The following COX15 variants were observed in gnomAD, a reference collection of about 807,000 sequenced individuals.
COX15 encodes heme A synthase COX15.
In COX15, 51 loss-of-function variants were observed where a neutral mutation model predicts 51.9. The observed-to-expected ratio is 0.98, with a 90% CI of 0.78 to 1.24. COX15 has a LOEUF of 1.24. Among genes scored for constraint, COX15 ranks in the 50% most tolerant of loss-of-function variants. The pLI, the probability that COX15 is intolerant of heterozygous loss-of-function variation, is 0.00. For synonymous variants in COX15, 188 were observed against 190.5 expected, an observed-to-expected ratio of 0.99 and a Z score of 0.11; for missense variants, 420 against 501.1, an observed-to-expected ratio of 0.84 and a Z score of 1.55.
At chr10:99,724,509 G>A (rs1427938330) in intron 4 of COX15, among the ~76,000 whole-genome samples, 1 of 152,060 alleles carries the variant, frequency 6.6e-6, no homozygotes, top group African/African-American at 2.4e-5. Flanking sequence ...GAGGAAATGA[G>A]CTATCAGGAG....
chr10:99,696,258 G>C, the COX15 span: 13 of 1,057,346 alleles, frequency 1.2e-5, no homozygotes, highest in Non-Finnish European at 1.7e-5. Context: ...CAATGGGGTA[G>C]CATCTCTTAA....
chr10:99,699,262 G>A, the COX15 span, among the ~76,000 whole-genome samples: 1 of 152,202 alleles, frequency 6.6e-6, no homozygotes, highest in Non-Finnish European at 1.5e-5. Context: ...ACCCAGAGGG[G>A]CAAGCCCATC....
the COX15 span, among the ~76,000 whole-genome samples, chr10:99,701,250 CCAAA>C: frequency 2.6e-5 from 4 of 151,692 alleles, no homozygotes; most frequent in Non-Finnish European, 4.4e-5. Context: ...TCAGTGGTTA[CCAAA>C]CAGAGTTCTC....
At position 99,731,954 on chromosome 10, in the gene COX15, C is replaced by A; in HGVS notation, c.90+6G>T. On this transcript the variant is annotated splice_donor_region_variant and intron_variant, in intron 1 of 8. Coordinates refer to ENST00000016171, the MANE Select transcript of COX15 (RefSeq NM_078470.6). ...CCGCGACTCGGAGTCCGCTGCAGTG[C>A]GGTACCTGTGCTCTAGGCGCTGCCC... The A allele has an allele frequency of 1.9e-6, 3 of 1,607,224 alleles. No homozygotes were observed. Among genetic ancestry groups the A allele is most frequent in the Non-Finnish European group, 2.5e-6 (3 of 1,177,212 alleles).
At chr10:99,719,254 C>T (rs370888496) in intron 6 of COX15, among the ~76,000 whole-genome samples, 24 of 151,982 alleles carry the variant, frequency 1.6e-4, no homozygotes, top group African/African-American at 5.3e-4. Context: ...CAGTCTGGCT[C>T]TGTCCCCCAG....
chr10:99,718,676 G>A (rs1439983027), intron 6 of COX15, among the ~76,000 whole-genome samples, 176 bp from the exon 7 acceptor site: 1 of 152,116 alleles, frequency 6.6e-6, no homozygotes, highest in Non-Finnish European at 1.5e-5. Flanking sequence ...AATCACCAAG[G>A]AAACTTCAAA....
the COX15 span, among the ~76,000 whole-genome samples, chr10:99,698,200 G>A: frequency 7.9e-4 from 121 of 152,246 alleles, no homozygotes; most frequent in Non-Finnish European, 1.1e-3. Context: ...ACCACACTCC[G>A]CACGATAAGG....
downstream of COX15, among the ~76,000 whole-genome samples, chr10:99,707,660 C>T (rs2036278732): frequency 1.3e-5 from 2 of 152,196 alleles, no homozygotes. Context: ...CTTGTTATTA[C>T]TGAGACAGGT....
chr10:99,711,142 A>G lies in COX15; in HGVS notation c.*3445T>C, dbSNP rs188726020. On this transcript the variant is annotated 3_prime_UTR_variant, in exon 9 of 9. Transcript: ENST00000016171. ...ATAATCATTCACCAGAAGCTCATAG[A>G]TATAATACAGTTATATAGCTAAATG... 9 of 985,274 alleles carry G rather than the reference A, an allele frequency of 9.1e-6. No homozygotes were observed. The East Asian group carries it at 4.5e-4, about 50-fold the overall frequency. The allele number at this position is 985,274 out of a possible 1,614,324, so 61.0% of individuals were successfully genotyped here.
At chr10:99,729,766 A>T in intron 1 of COX15, 32 bp from the exon 2 acceptor site, 1 of 1,611,160 alleles carries the variant, frequency 6.2e-7, no homozygotes, top group Non-Finnish European at 8.5e-7. Flanking sequence ...TTACAACTGG[A>T]GAAACAGGGA....
Position 99,713,712 on chromosome 10 carries a change from G to C in COX15, c.*875C>G. ...TAGCTGGGCGTGGTGGCCCATGCCT[G>C]TAATCTCAGCACTTTGGGAAGCCGA... On this transcript the variant is annotated 3_prime_UTR_variant, in exon 9 of 9. Transcript: ENST00000016171. 1.6e-6 allele frequency: 1 copy of C among 628,714 alleles called. No homozygotes were observed. The highest frequency in any genetic ancestry group is 2.6e-6 in the Non-Finnish European group (1 of 390,834). The allele number at this position is 628,714 out of a possible 1,614,324, so 38.9% of individuals were successfully genotyped here.
In COX15 at chr10:99,731,944, C is replaced by G. The variant is rs369863209; in HGVS notation, c.90+16G>C. On this transcript the variant is annotated intron_variant, in intron 1 of 8. Coordinates refer to ENST00000016171, the MANE Select transcript of COX15 (RefSeq NM_078470.6). ...ATCCCCGCTCCCGCGACTCGGAGTC[C>G]GCTGCAGTGCGGTACCTGTGCTCTA... 4 of 1,602,926 alleles carry G rather than the reference C, an allele frequency of 2.5e-6. No homozygotes were observed. In the South Asian group the frequency reaches 3.4e-5, roughly 13 times the overall value.
At chr10:99,720,939 G>T in intron 6 of COX15, 48 bp downstream of exon 6, 1 of 1,481,160 alleles carries the variant, frequency 6.8e-7, no homozygotes, top group Non-Finnish European at 9.4e-7. Context: ...AGAGGTCCCA[G>T]CTTAGAGTGC....
chr10:99,721,708 T>C (rs1456816808), intron 5 of COX15, among the ~76,000 whole-genome samples: 3 of 152,140 alleles, frequency 2.0e-5, no homozygotes, highest in Admixed American at 2.0e-4. Context: ...TAGGACAGTA[T>C]ATCAGCACTG....
At chr10:99,728,239 A>G (rs2037025591) in intron 2 of COX15, among the ~76,000 whole-genome samples, 1 of 152,196 alleles carries the variant, frequency 6.6e-6, no homozygotes, top group Non-Finnish European at 1.5e-5. Context: ...AAAAGTCACT[A>G]GAGCCAATTT....
chr10:99,710,631 T>C, downstream of COX15: 1 of 985,448 alleles, frequency 1.0e-6, no homozygotes, highest in Non-Finnish European at 1.2e-6. Context: ...AGAGAGGTGA[T>C]GCATTCTCCC....
chr10:99,723,912 C>A (rs751070608), intron 5 of COX15, 44 bp downstream of exon 5: 2 of 1,606,544 alleles, frequency 1.2e-6, no homozygotes, highest in Non-Finnish European at 1.7e-6. Flanking sequence ...CCAAAAGAAC[C>A]AAAAGCGGGG....
At chr10:99,699,280 T>A in the COX15 span, among the ~76,000 whole-genome samples, 205 of 152,340 alleles carry the variant, frequency 1.3e-3, 1 homozygote, top group African/African-American at 4.8e-3. Context: ...ATCTTTCTTT[T>A]GGGTTGAGGT....
At chr10:99,721,135 C>T in intron 5 of COX15, 67 bp from the exon 6 acceptor site, 3 of 1,324,946 alleles carry the variant, frequency 2.3e-6, no homozygotes, top group Non-Finnish European at 3.2e-6. Context: ...GCAAAGATCT[C>T]TAAGGCCAAA....
Sources: allele counts gnomAD v4.1 joint callset (sites outside exome capture counted in the v4.1 genomes callset), GRCh38; gene constraint gnomAD v4.1.1; transcripts MANE v1.5; gene names NCBI Gene and HGNC (gene_info 2026-07-23, HGNC 2026-07-21).